The following RPL34 variants were observed in gnomAD, a reference collection of about 807,000 sequenced individuals.
The protein encoded by RPL34 is ribosomal protein L34, also known as large ribosomal subunit protein eL34.
Under a neutral mutation model 16.3 loss-of-function variants are expected in RPL34, and 2 were observed. The observed-to-expected ratio is 0.12, with a 90% CI of 0.05 to 0.39. The LOEUF (loss-of-function observed/expected upper bound fraction) is 0.39, where lower values mean the gene tolerates loss of function less well. Ranked by LOEUF, RPL34 falls within the 10% of genes least tolerant of loss-of-function variation. RPL34 has a pLI of 0.99. For missense variants in RPL34, 82 were observed against 148.8 expected (o/e 0.55, Z 2.33); for synonymous variants, 47 against 48.5 (o/e 0.97, Z 0.13).
rs954712626 is a variant in RPL34 at position 108,622,526 on chromosome 4, A to T, written c.177A>T (p.Val59=). 1 of 1,610,072 alleles carries T rather than the reference A, an allele frequency of 6.2e-7. No individual in the cohort carries two copies. Among genetic ancestry groups the T allele is most frequent in the Admixed American group, 1.7e-5 (1 of 59,328 alleles). ...TTTTTCTTATGCAGGTTCGTGCTGTAAGACCTAAAGTTCTTATGAGATTGT... is the reference window on the plus strand; with the variant it reads ...TTTTTCTTATGCAGGTTCGTGCTGTTAGACCTAAAGTTCTTATGAGATTGT... ...CPGRLRGVRA[V]RPKVLMRLSK... The change falls in exon 4 of 5, where the codon GTA becomes GTT. Residue 59 remains valine, a synonymous_variant. Coordinates refer to ENST00000394667, the MANE Select transcript of RPL34 (RefSeq NM_001319236.2).
At position 108,625,313 on chromosome 4, in the gene RPL34, A is replaced by G; in HGVS notation, c.*101A>G. 3.0e-6 allele frequency: 2 copies of G among 671,508 alleles called. No individual in the cohort carries two copies. The highest frequency in any genetic ancestry group is 5.2e-6 in the Non-Finnish European group (2 of 382,724). 41.6% of individuals were successfully genotyped at this position (671,508 alleles called of 1,614,324 possible). A position where few individuals can be genotyped will look rare whatever the true frequency, so the allele number is the denominator to read the frequency against. On this transcript the variant is annotated 3_prime_UTR_variant, in exon 5 of 5. Transcript: ENST00000394667. ...GTTAGTATACAGATTTTGTTTCTGTATGGTATTTGGGGACCCTATAGTTTT... is the reference window on the plus strand; with the variant it reads ...GTTAGTATACAGATTTTGTTTCTGTGTGGTATTTGGGGACCCTATAGTTTT...
chr4:108,622,246 A>G (rs1376919544), intron 3 of RPL34, 42 bp downstream of exon 3: 1 of 1,365,086 alleles, frequency 7.3e-7, no homozygotes, highest in South Asian at 1.2e-5. Context: ...CAAGTCTTGA[A>G]CTTACTGAGC....
chr4:108,629,577 T>A (rs1277939443), downstream of RPL34, among the ~76,000 whole-genome samples: 2 of 152,194 alleles, frequency 1.3e-5, no homozygotes, highest in Admixed American at 6.5e-5. Context: ...AAAATGAAGC[T>A]CTTATTGAAT....
intron 4 of RPL34, chr4:108,622,941 A>G (rs1033117659): frequency 4.6e-6 from 1 of 215,568 alleles, no homozygotes; most frequent in Non-Finnish European, 9.3e-6. Context: ...AGAGTTGTGT[A>G]TTCTCATGTG....
downstream of RPL34, among the ~76,000 whole-genome samples, chr4:108,626,050 C>T (rs1725989787): frequency 6.6e-6 from 1 of 152,066 alleles, no homozygotes; most frequent in South Asian, 2.1e-4. Context: ...ATATATAAAA[C>T]CTTGGGTCAA....
At chr4:108,627,011 G>A (rs1326341140), downstream of RPL34, among the ~76,000 whole-genome samples, 2 of 151,968 alleles carry the variant, frequency 1.3e-5, no homozygotes, top group South Asian at 2.1e-4. Context: ...AGGCCAAGGC[G>A]GGCGGATCAT....
downstream of RPL34, among the ~76,000 whole-genome samples, chr4:108,627,270 C>CCAGT: frequency 6.6e-6 from 1 of 152,068 alleles, no homozygotes; most frequent in Non-Finnish European, 1.5e-5. Flanking sequence ...TAGGCCAGAC[C>CCAGT]CAGTGGCTCA....
chr4:108,626,992 T>C (rs1050757664), downstream of RPL34, among the ~76,000 whole-genome samples: 5 of 152,144 alleles, frequency 3.3e-5, no homozygotes, highest in Middle Eastern at 3.4e-3. Context: ...GTAATCCCAG[T>C]ACTTTGGGAG....
intron 4 of RPL34, 103 bp from the exon 5 acceptor site, chr4:108,625,025 C>G: frequency 1.4e-6 from 1 of 733,110 alleles, no homozygotes; most frequent in Non-Finnish European, 2.3e-6. Context: ...CCTGGGTTCC[C>G]TGATTGCTTT....
chr4:108,623,501 C>T (rs1725869983), intron 4 of RPL34, among the ~76,000 whole-genome samples: 1 of 152,138 alleles, frequency 6.6e-6, no homozygotes, highest in Non-Finnish European at 1.5e-5. Flanking sequence ...CCTCCGCCTC[C>T]CGGGTTCAAG....
intron 3 of RPL34, 55 bp from the exon 4 acceptor site, chr4:108,622,460 T>G: frequency 7.2e-7 from 1 of 1,391,444 alleles, no homozygotes; most frequent in Non-Finnish European, 1.0e-6. Flanking sequence ...CTTAACAAAA[T>G]TTAGGGAAAT....
downstream of RPL34, among the ~76,000 whole-genome samples, chr4:108,628,143 T>G (rs1726074909): frequency 6.6e-6 from 1 of 152,210 alleles, no homozygotes; most frequent in Non-Finnish European, 1.5e-5. Context: ...CTCAAACGAT[T>G]GAGATACATT....
Position 108,625,370 on chromosome 4 carries a change from G to A in RPL34, c.*158G>A, listed in dbSNP as rs1169392728. ...ATTACTTTTTCTTGTTTTGTTTGTT[G>A]TTTGTTTGTTTTTGGTTTGGTTTGG... On this transcript the variant is annotated 3_prime_UTR_variant, in exon 5 of 5. Transcript: ENST00000394667. 1.9e-6 allele frequency: 1 copy of A among 513,592 alleles called. No individual in the cohort carries two copies. Among genetic ancestry groups the A allele is most frequent in the African/African-American group, 2.0e-5 (1 of 50,466 alleles). 31.8% of individuals were successfully genotyped at this position (513,592 alleles called of 1,614,324 possible). A position where few individuals can be genotyped will look rare whatever the true frequency, so the allele number is the denominator to read the frequency against.
At chr4:108,625,512 A>G (rs989569771), downstream of RPL34, 2 of 241,518 alleles carry the variant, frequency 8.3e-6, no homozygotes, top group Non-Finnish European at 1.6e-5. Flanking sequence ...CAGCCTCCCA[A>G]GTAGCTGGGA....
At chr4:108,621,617 C>T in intron 1 of RPL34, 1 of 263,142 alleles carries the variant, frequency 3.8e-6, no homozygotes, top group Non-Finnish European at 7.6e-6. Context: ...ACTTTTTGTG[C>T]TCTTTGTTTA....
downstream of RPL34, chr4:108,630,457 A>G (rs1318325118): frequency 1.3e-5 from 2 of 152,214 alleles, no homozygotes; most frequent in African/African-American, 4.8e-5. Flanking sequence ...TGGAAGGGAA[A>G]AGAATTAAAA....
chr4:108,624,309 G>C (rs1004880152), intron 4 of RPL34, among the ~76,000 whole-genome samples: 4 of 152,154 alleles, frequency 2.6e-5, no homozygotes, highest in African/African-American at 9.7e-5. Flanking sequence ...ACATGGGGGA[G>C]ATTTGAAGAA....
chr4:108,620,785 G>A (rs1312839670), intron 1 of RPL34, 185 bp downstream of exon 1: 1 of 153,228 alleles, frequency 6.5e-6, no homozygotes, highest in African/African-American at 2.4e-5. Context: ...CTTGTTCCTG[G>A]TGGCACCTCC....
chr4:108,630,244 C>T (rs556293637), downstream of RPL34: 91 of 152,302 alleles, frequency 6.0e-4, no homozygotes, highest in African/African-American at 2.1e-3. Flanking sequence ...ACTCAAGTTA[C>T]AGTATATGAT....
Sources: allele counts gnomAD v4.1 joint callset (sites outside exome capture counted in the v4.1 genomes callset), GRCh38; gene constraint gnomAD v4.1.1; transcripts MANE v1.5; gene names NCBI Gene and HGNC (gene_info 2026-07-23, HGNC 2026-07-21).